The following CREBBP variants were observed in gnomAD, a reference collection of about 807,000 sequenced individuals.
CREBBP encodes CREB-binding protein.
A neutral mutation model predicts 265.0 loss-of-function variants in CREBBP; 19 were observed. The observed-to-expected ratio is 0.07, with a 90% CI of 0.05 to 0.11. CREBBP has a LOEUF of 0.11. CREBBP is among the 10% of genes least tolerant of loss of function. The pLI is 1.00. For synonymous variants in CREBBP, 1,457 were observed against 1,223.7 expected (o/e 1.19, Z -3.98); for missense variants, 2,525 against 3,219.0 (o/e 0.78, Z 5.22).
At chr16:3,782,256 A>G (rs1255896929) in intron 6 of CREBBP, among the ~76,000 whole-genome samples, 1 of 152,210 alleles carries the variant, frequency 6.6e-6, no homozygotes, top group Non-Finnish European at 1.5e-5. Flanking sequence ...CATTGTCATT[A>G]ACCTGCTGAA....
rs2141216223 is a variant in CREBBP, at chr16:3,773,864, T to C, written c.2350A>G (p.Met784Val). 6.2e-7 allele frequency: 1 copy of C among 1,612,334 alleles called. No individual in the cohort carries two copies. The highest frequency in any genetic ancestry group is 8.5e-7 in the Non-Finnish European group (1 of 1,180,008). The change falls in exon 13 of 31, where the codon ATG becomes GTG. Residue 784 changes from methionine to valine, a missense_variant. Around this residue, in one of 19 missense-constraint regions of CREBBP, gnomAD observed 548 missense variants for 533.0 expected, o/e 1.03. Coordinates refer to ENST00000262367, the MANE Select transcript of CREBBP (RefSeq NM_004380.3). ...TGGCTCTGAGCGGGCGCCTGGGCCA[T>C]CATGTTGTTGGTGTGTGCACCCATC... Reference protein sequence around the residue: ...NMMGAHTNNMMAQAPAQSQFL... With the variant: ...NMMGAHTNNMVAQAPAQSQFL...
intron 13 of CREBBP, among the ~76,000 whole-genome samples, chr16:3,771,727 T>G (rs144380748): frequency 2.3e-4 from 35 of 151,850 alleles, no homozygotes; most frequent in Non-Finnish European, 4.1e-4. Context: ...AAATAAATGA[T>G]TCACATCCCT....
chr16:3,820,247 C>CGG (rs746612339), intron 2 of CREBBP, among the ~76,000 whole-genome samples: 5 of 152,244 alleles, frequency 3.3e-5, no homozygotes, highest in Non-Finnish European at 7.3e-5. Context: ...GACATGACTG[C>CGG]ATTCAGTTGT....
At chr16:3,839,985 T>C (rs1698885174) in intron 2 of CREBBP, among the ~76,000 whole-genome samples, 1 of 152,178 alleles carries the variant, frequency 6.6e-6, no homozygotes, top group Non-Finnish European at 1.5e-5. Context: ...AGAGTCATAA[T>C]AAGATCCCTG....
chr16:3,840,607 A>G, intron 2 of CREBBP: 2 of 174,026 alleles, frequency 1.1e-5, no homozygotes, highest in South Asian at 1.1e-4. Context: ...AGGACGATTC[A>G]GGGGCCTCTC....
At chr16:3,752,932 G>A (rs933623731) in intron 19 of CREBBP, among the ~76,000 whole-genome samples, 62 of 152,154 alleles carry the variant, frequency 4.1e-4, no homozygotes, top group African/African-American at 1.4e-3. Flanking sequence ...GAAATCAACA[G>A]AAATGCAGGC....
At chr16:3,801,437 G>A (rs923489954) in intron 3 of CREBBP, among the ~76,000 whole-genome samples, 5 of 152,178 alleles carry the variant, frequency 3.3e-5, no homozygotes, top group African/African-American at 9.7e-5. Context: ...GGGAGGCCGA[G>A]GTGGGCAGAT....
intron 1 of CREBBP, among the ~76,000 whole-genome samples, chr16:3,866,328 T>C (rs375381478): frequency 6.6e-6 from 1 of 152,278 alleles, no homozygotes; most frequent in Admixed American, 6.5e-5. Context: ...ACCTCTAATA[T>C]AAAGATGATG....
chr16:3,804,294 A>G (rs1175025568), intron 3 of CREBBP, among the ~76,000 whole-genome samples: 3 of 152,162 alleles, frequency 2.0e-5, no homozygotes, highest in African/African-American at 7.2e-5. Context: ...ATATATACAT[A>G]TGTATTCTTC....
chr16:3,757,780 T>A (rs754819022), intron 18 of CREBBP, 29 bp downstream of exon 18: 2 of 1,612,868 alleles, frequency 1.2e-6, no homozygotes, highest in East Asian at 2.2e-5. Flanking sequence ...CCAGGAAAAT[T>A]CACTTTCCGG....
rs367921718 is a variant in CREBBP at position 3,819,553 on chromosome 16, G to A, written c.799-8774C>T. ...ACATGTAGGACGATAGGGAGAGGCC[G>A]GCTGGGATTACTGGCATTTGGATTA... On this transcript the variant is annotated intron_variant, in intron 2 of 30. Transcript: ENST00000262367. 1.4e-4 allele frequency among the ~76,000 whole-genome samples: 21 copies of A among 152,264 alleles called. No homozygotes were observed. The East Asian group carries it at 3.1e-3, about 22-fold the overall frequency.
At chr16:3,862,516 T>C (rs1407255323) in intron 1 of CREBBP, among the ~76,000 whole-genome samples, 1 of 152,236 alleles carries the variant, frequency 6.6e-6, no homozygotes, top group African/African-American at 2.4e-5. Context: ...CTTACATTTA[T>C]ACTAGAGCTT....
At chr16:3,788,354 C>A (rs1281405989) in intron 5 of CREBBP, among the ~76,000 whole-genome samples, 1 of 152,166 alleles carries the variant, frequency 6.6e-6, no homozygotes, top group Non-Finnish European at 1.5e-5. Context: ...AATGGGGGCC[C>A]AATTTCTTTA....
chr16:3,766,007 G>GT (rs1258861622), intron 16 of CREBBP, among the ~76,000 whole-genome samples: 1 of 152,006 alleles, frequency 6.6e-6, no homozygotes, highest in Non-Finnish European at 1.5e-5. Context: ...TTCTAAGTTG[G>GT]TAAGACTTGT....
At chr16:3,879,490 G>A (rs1465939408) in intron 1 of CREBBP, among the ~76,000 whole-genome samples, 1 of 152,208 alleles carries the variant, frequency 6.6e-6, no homozygotes, top group Non-Finnish European at 1.5e-5. Context: ...GGACGGCCAC[G>A]CGTGTGGACA....
intron 2 of CREBBP, among the ~76,000 whole-genome samples, chr16:3,845,766 A>G (rs2054653726): frequency 1.3e-5 from 2 of 151,986 alleles, no homozygotes; most frequent in Admixed American, 1.3e-4. Context: ...GCGCGCCTGT[A>G]GTCCCAGCTA....
intron 23 of CREBBP, among the ~76,000 whole-genome samples, 165 bp downstream of exon 23, chr16:3,744,729 G>C (rs1484201656): frequency 6.6e-6 from 1 of 152,118 alleles, no homozygotes; most frequent in Non-Finnish European, 1.5e-5. Flanking sequence ...CTCTCCTTAA[G>C]GATGAGACAA....
At chr16:3,836,412 T>A (rs2054451747) in intron 2 of CREBBP, among the ~76,000 whole-genome samples, 2 of 135,398 alleles carry the variant, frequency 1.5e-5, no homozygotes, top group African/African-American at 2.9e-5. Context: ...CCAGCCTGGG[T>A]GACAGAGCGA....
At chr16:3,738,804 G>A (rs2052133644) in intron 25 of CREBBP, 132 bp from the exon 26 acceptor site, 1 of 701,304 alleles carries the variant, frequency 1.4e-6, no homozygotes, top group Non-Finnish European at 2.6e-6. Flanking sequence ...GCAATGCGGT[G>A]ACGCGGTCAC....
Sources: allele counts gnomAD v4.1 joint callset (sites outside exome capture counted in the v4.1 genomes callset), GRCh38; gene constraint gnomAD v4.1.1; regional missense constraint gnomAD v4.1.1; transcripts MANE v1.5; gene names NCBI Gene and HGNC (gene_info 2026-07-23, HGNC 2026-07-21).